Variants in RYR2 observed in about 807,000 individuals in gnomAD.
RYR2 encodes cardiac muscle ryanodine receptor-calcium release channel.
A neutral mutation model predicts 601.1 loss-of-function variants in RYR2; 227 were observed. That is an observed-to-expected ratio of 0.38 (90% CI 0.34 to 0.42). The LOEUF (loss-of-function observed/expected upper bound fraction) is 0.42, where lower values mean the gene tolerates loss of function less well. RYR2 is among the 10% of genes least tolerant of loss of function. The pLI is 1.00. For synonymous variants in RYR2, 2,223 were observed against 2,175.1 expected, an observed-to-expected ratio of 1.02 and a Z score of -0.61; for missense variants, 4,646 against 6,156.5, an observed-to-expected ratio of 0.75 and a Z score of 8.21.
In RYR2 at chr1:237,109,721, CA is replaced by C. The variant is rs56185429; in HGVS notation, c.48+67163del. 5.7e-3 allele frequency among the ~76,000 whole-genome samples: 383 copies of C among 66,798 alleles called. 3 individuals are homozygous for C. The highest frequency in any genetic ancestry group is 0.051 in the East Asian group (64 of 1,258). 43.8% of individuals were successfully genotyped at this position (66,798 alleles called of 152,430 possible). A position where few individuals can be genotyped will look rare whatever the true frequency, so the allele number is the denominator to read the frequency against. On this transcript the variant is annotated intron_variant, in intron 1 of 104. Transcript: ENST00000366574. ...TGGGCGACAGAGCGAGACTCCGTCT[CA>C]AAAAAAAAAATAATAATAATAATTT...
chr1:237,263,900 A>G (rs976682509), intron 1 of RYR2, among the ~76,000 whole-genome samples: 1 of 152,138 alleles, frequency 6.6e-6, no homozygotes, highest in Non-Finnish European at 1.5e-5. Flanking sequence ...AGCAAATAGC[A>G]TATAATATAG....
At chr1:237,185,241 C>T (rs1467263520) in intron 1 of RYR2, among the ~76,000 whole-genome samples, 1 of 152,106 alleles carries the variant, frequency 6.6e-6, no homozygotes, top group African/African-American at 2.4e-5. Flanking sequence ...CTCAAGCAAT[C>T]CTCCTACCTT....
intron 27 of RYR2, among the ~76,000 whole-genome samples, chr1:237,565,724 C>G (rs1370463205): frequency 1.3e-5 from 2 of 152,118 alleles, no homozygotes; most frequent in Non-Finnish European, 2.9e-5. Flanking sequence ...GGGTGACCAC[C>G]TTCTTTGAGA....
chr1:237,503,640 A>G, intron 22 of RYR2, 135 bp downstream of exon 22: 1 of 729,252 alleles, frequency 1.4e-6, no homozygotes, highest in Non-Finnish European at 2.3e-6. Context: ...TAGGACTGAA[A>G]TGAGTCTCAT....
At chr1:237,229,866 G>A (rs1042500499) in intron 1 of RYR2, among the ~76,000 whole-genome samples, 10 of 152,102 alleles carry the variant, frequency 6.6e-5, no homozygotes, top group African/African-American at 1.9e-4. Context: ...CCAACCCTGC[G>A]TCCACTCTGA....
intron 1 of RYR2, among the ~76,000 whole-genome samples, chr1:237,133,667 G>A (rs922973422): frequency 6.6e-5 from 10 of 151,888 alleles, no homozygotes; most frequent in African/African-American, 2.2e-4. Context: ...AGTGGGAGTC[G>A]GCCAGGCATG....
chr1:237,717,849 G>A (rs149600393), intron 72 of RYR2, among the ~76,000 whole-genome samples: 222 of 152,172 alleles, frequency 1.5e-3, no homozygotes, highest in African/African-American at 5.0e-3. Context: ...CTGAGTTTCT[G>A]TTCTTCATAG....
intron 35 of RYR2, among the ~76,000 whole-genome samples, chr1:237,607,553 A>G (rs1040559855): frequency 1.3e-5 from 2 of 152,218 alleles, no homozygotes; most frequent in Non-Finnish European, 2.9e-5. Flanking sequence ...GTGCACATGT[A>G]CCCTAGAAGT....
intron 6 of RYR2, among the ~76,000 whole-genome samples, chr1:237,370,042 C>G (rs1700515355): frequency 6.6e-6 from 1 of 152,064 alleles, no homozygotes; most frequent in Non-Finnish European, 1.5e-5. Context: ...CCAGGTTTCT[C>G]TTTTACCACA....
In RYR2 at chr1:237,784,783, C is replaced by G. The variant is rs876657574; in HGVS notation, c.13071C>G (p.Ala4357=). The change falls in exon 90 of 105, where the codon GCC becomes GCG. Residue 4357 remains alanine (A), a synonymous_variant. Transcript: ENST00000366574. The surrounding 1 kb of genome is among the most constrained non-coding windows in gnomAD (Gnocchi z 7.1). ...EEGERKPLEA[A]LPSEDLTDLK... ...GAGAGAGGAAACCCCTGGAAGCCGC[C>G]CTGCCCTCCGAGGATCTGACCGACT... is the stretch of plus-strand genomic sequence containing the variant. 6.2e-7 allele frequency: 1 copy of G among 1,608,864 alleles called. No homozygotes were observed. The highest frequency in any genetic ancestry group is 8.5e-7 in the Non-Finnish European group (1 of 1,176,612).
At chr1:237,405,004 C>G (rs1703723180) in intron 10 of RYR2, among the ~76,000 whole-genome samples, 1 of 152,178 alleles carries the variant, frequency 6.6e-6, no homozygotes, top group South Asian at 2.1e-4. Flanking sequence ...CAGCCCCAAC[C>G]AACACTTTGA....
intron 1 of RYR2, among the ~76,000 whole-genome samples, chr1:237,172,060 G>A (rs1677465700): frequency 6.6e-6 from 1 of 152,204 alleles, no homozygotes; most frequent in Non-Finnish European, 1.5e-5. Context: ...GAAGAGAGGA[G>A]GAAATTAATC....
chr1:237,320,865 T>C (rs1282215630), intron 2 of RYR2, among the ~76,000 whole-genome samples: 1 of 152,166 alleles, frequency 6.6e-6, no homozygotes. Flanking sequence ...GCTTCTAAAA[T>C]GGCCCTTAAG....
intron 11 of RYR2, among the ~76,000 whole-genome samples, chr1:237,419,187 G>C (rs1705309756): frequency 6.6e-6 from 1 of 152,056 alleles, no homozygotes; most frequent in East Asian, 1.9e-4. Flanking sequence ...TTGTAAAACA[G>C]ATTGAATATG....
intron 1 of RYR2, among the ~76,000 whole-genome samples, chr1:237,119,462 G>A (rs1670528594): frequency 6.6e-6 from 1 of 152,158 alleles, no homozygotes; most frequent in African/African-American, 2.4e-5. Context: ...TCATCTTGGT[G>A]CACCTGCGCC....
chr1:237,496,760 C>A lies in RYR2; in HGVS notation c.2203+8C>A. 1 of 1,602,436 alleles carries A rather than the reference C, an allele frequency of 6.2e-7. No homozygotes were observed. The highest frequency in any genetic ancestry group is 1.1e-5 in the South Asian group (1 of 90,296). ...GCCTTCATCTCTGGTCAGGTACGTA[C>A]TATCCATTTTCTTTCACCGTGTTCC... On this transcript the variant is annotated splice_region_variant and intron_variant, in intron 20 of 104. Coordinates refer to ENST00000366574, the MANE Select transcript of RYR2 (RefSeq NM_001035.3).
intron 41 of RYR2, among the ~76,000 whole-genome samples, chr1:237,630,295 T>G (rs1253721830): frequency 6.6e-6 from 1 of 152,290 alleles, no homozygotes. Context: ...AAAATCAAGT[T>G]ACTTCATTCA....
intron 12 of RYR2, among the ~76,000 whole-genome samples, chr1:237,439,493 A>G (rs1406225883): frequency 6.6e-6 from 1 of 151,902 alleles, no homozygotes; most frequent in African/African-American, 2.4e-5. Flanking sequence ...AAAATACAAA[A>G]ATTAGCAGGG....
chr1:237,717,262 C>A lies in RYR2; in HGVS notation c.10388C>A (p.Thr3463Asn). ...KRKGDRYSMQTSLIVAALKRL... is the reference protein window; with the variant it reads ...KRKGDRYSMQNSLIVAALKRL... Reference sequence around the variant, plus strand: ...AAAGGAGATCGGTATTCCATGCAGACCTCTCTGATTGTAGCAGCTCTGAAG... The same window carrying A: ...AAAGGAGATCGGTATTCCATGCAGAACTCTCTGATTGTAGCAGCTCTGAAG... Residue 3463 changes from threonine (T) to asparagine (N), a missense_variant, in exon 72 of 105, where the codon ACC becomes AAC. By Grantham distance (65) the Thr-to-Asn change is moderately conservative (BLOSUM62 0). Coordinates refer to ENST00000366574, the MANE Select transcript of RYR2 (RefSeq NM_001035.3). 1.2e-6 allele frequency: 2 copies of A among 1,613,600 alleles called. No individual in the cohort carries two copies. Among genetic ancestry groups the A allele is most frequent in the Non-Finnish European group, 1.7e-6 (2 of 1,179,652 alleles).
Sources: allele counts gnomAD v4.1 joint callset (sites outside exome capture counted in the v4.1 genomes callset), GRCh38; gene constraint gnomAD v4.1.1; non-coding constraint Gnocchi (gnomAD v3.1); transcripts MANE v1.5; gene names NCBI Gene and HGNC (gene_info 2026-07-23, HGNC 2026-07-21).